CLPB: variants seen among roughly 807,000 people sequenced by gnomAD.
CLPB encodes the protein mitochondrial disaggregase.
CLPB carries 40 observed loss-of-function variants against 78.4 expected under a neutral mutation model. The observed-to-expected ratio is 0.51, with a 90% CI of 0.40 to 0.66. The LOEUF is 0.66. Ranked by LOEUF, CLPB falls within the 30% of genes least tolerant of loss-of-function variation. The pLI, the probability that CLPB is intolerant of heterozygous loss-of-function variation, is 0.00. For synonymous variants in CLPB, 333 were observed against 348.0 expected (o/e 0.96, Z 0.48); for missense variants, 780 against 886.9 (o/e 0.88, Z 1.53).
chr11:72,406,360 T>G (rs1855709704), intron 2 of CLPB, among the ~76,000 whole-genome samples: 1 of 152,128 alleles, frequency 6.6e-6, no homozygotes, highest in African/African-American at 2.4e-5. Flanking sequence ...AAATGCCTCC[T>G]CCTACTGCCC....
chr11:72,407,238 C>T (rs747874864), intron 2 of CLPB, among the ~76,000 whole-genome samples: 2 of 152,152 alleles, frequency 1.3e-5, no homozygotes, highest in Non-Finnish European at 2.9e-5. Context: ...TAAATAGTGC[C>T]AAGGTCCTCT....
In CLPB at chr11:72,385,783, A is replaced by T. The variant is rs376487039; in HGVS notation, c.543-5399T>A. ...GGATGCAGTGAGCCGAGATCGCGCC[A>T]CTGCATCAAGCCTGGGCGACACAGC... is the stretch of plus-strand genomic sequence containing the variant. On this transcript the variant is annotated intron_variant, in intron 3 of 15. Transcript: ENST00000538039. Among the ~76,000 whole-genome samples, 6 of 152,234 alleles carry T rather than the reference A, an allele frequency of 3.9e-5. No individual in the cohort carries two copies. The East Asian group carries it at 7.7e-4, about 20-fold the overall frequency.
At chr11:72,380,429 C>T (rs1350656549) in intron 3 of CLPB, 45 bp from the exon 4 acceptor site, 8 of 1,496,132 alleles carry the variant, frequency 5.3e-6, no homozygotes, top group African/African-American at 4.1e-5. Flanking sequence ...CAAGAAAGGC[C>T]CAGGAGGTAC....
chr11:72,359,202 T>C (rs1390686554), intron 4 of CLPB, 194 bp from the exon 5 acceptor site: 1 of 738,550 alleles, frequency 1.4e-6, no homozygotes, highest in Admixed American at 2.0e-5. Flanking sequence ...TTCCACAATG[T>C]TTACTGACAT....
In CLPB at chr11:72,288,594, A is replaced by G. The variant is rs1949416483; in HGVS notation, c.*4773T>C. 6.6e-6 allele frequency: 1 copy of G among 152,256 alleles called. No homozygotes were observed. The highest frequency in any genetic ancestry group is 1.5e-5 in the Non-Finnish European group (1 of 68,068). 9.4% of individuals were successfully genotyped at this position (152,256 alleles called of 1,614,324 possible). A position where few individuals can be genotyped will look rare whatever the true frequency, so the allele number is the denominator to read the frequency against. ...TGGGACAAATAAAAATATGCTGAGC[A>G]AACAAACAATACTTTTCTGTTCCAG... On this transcript the variant is annotated 3_prime_UTR_variant, in exon 16 of 16. Coordinates refer to ENST00000538039, the MANE Select transcript of CLPB (RefSeq NM_001258392.3).
chr11:72,434,475 C>T lies in CLPB; in HGVS notation c.-1G>A, dbSNP rs1400828937. On this transcript the variant is annotated 5_prime_UTR_variant, in exon 1 of 16. Coordinates refer to ENST00000538039, the MANE Select transcript of CLPB (RefSeq NM_001258392.3). ...TCCTCAACACCAGGGACCCCAGCAT[C>T]TTGACAGCTGCTTCGATAACCCCGT... 1.3e-6 allele frequency: 2 copies of T among 1,533,208 alleles called. No homozygotes were observed. The highest frequency in any genetic ancestry group is 1.4e-5 in the African/African-American group (1 of 72,342). 95.0% of individuals were successfully genotyped at this position (1,533,208 alleles called of 1,614,324 possible).
Position 72,434,107 on chromosome 11 carries a change from A to G in CLPB, c.368T>C (p.Val123Ala). Residue 123 changes from valine (V) to alanine (A), a missense_variant, in exon 1 of 16, where the codon GTG (valine) becomes GCG (alanine). Physicochemically the swap from Val to Ala is moderately conservative, Grantham distance 64. This residue lies in a region of CLPB where 417 missense variants were observed against 414.7 expected (regional missense o/e 1.01). Transcript: ENST00000538039. ...CGGACTCTTGCTGTAGCAATGAACC[A>G]CCAGCGCTGCGGCCAGGGCGCACAT... The part of the protein sequence containing the change: ...LGMCALAAAL[V>A]VHCYSKSPSN... The G allele has an allele frequency of 6.2e-7, 1 of 1,611,784 alleles. No homozygotes were observed. The highest frequency in any genetic ancestry group is 8.5e-7 in the Non-Finnish European group (1 of 1,179,988).
chr11:72,329,729 A>G lies in CLPB; in HGVS notation c.851T>C (p.Leu284Pro). ...TACCTTGGCTTCAGAAGTCCTCAGA[A>G]GCTTCATCACTTCCCCTTCTCGGGC... ...DYAREGEVMK[L>P]LRTSEAKYQE... is the part of the protein sequence containing the mutation. The change falls in exon 6 of 16, where the codon CTT becomes CCT. Residue 284 changes from leucine (L) to proline (P), a missense_variant. This residue lies in a region of CLPB where 417 missense variants were observed against 414.7 expected (regional missense o/e 1.01). Transcript: ENST00000538039. 2 of 1,613,952 alleles carry G rather than the reference A, an allele frequency of 1.2e-6. No individual in the cohort carries two copies. The highest frequency in any genetic ancestry group is 1.7e-6 in the Non-Finnish European group (2 of 1,179,888).
At chr11:72,408,015 G>A in intron 2 of CLPB, 2 of 900,980 alleles carry the variant, frequency 2.2e-6, no homozygotes, top group Admixed American at 2.0e-5. Flanking sequence ...CTCTTCATAG[G>A]TCCAATGAGG....
Position 72,293,486 on chromosome 11 carries a change from G to A in CLPB, c.1915C>T (p.Pro639Ser). Residue 639 changes from proline to serine, a missense_variant, in exon 16 of 16, where the codon CCC becomes TCC. This residue lies in a region of CLPB where 272 missense variants were observed against 304.0 expected (regional missense o/e 0.89). Transcript: ENST00000538039. The stretch of plus-strand genomic sequence containing the variant: ...TTGGGGAGGCGCTTCTCAGCCTGGG[G>A]TGAGGGCAGTTCTGGGCTTTTGAGT... ...QLLKSPELPS[P>S]QAEKRLPKLR... The A allele has an allele frequency of 6.2e-7, 1 of 1,614,192 alleles. No homozygotes were observed. Among genetic ancestry groups the A allele is most frequent in the Non-Finnish European group, 8.5e-7 (1 of 1,180,024 alleles).
intron 4 of CLPB, among the ~76,000 whole-genome samples, chr11:72,367,360 C>T (rs1264692613): frequency 2.0e-5 from 3 of 152,154 alleles, no homozygotes; most frequent in African/African-American, 4.8e-5. Flanking sequence ...GTTGGGGTTT[C>T]GCCATGTTGG....
At chr11:72,431,895 A>G (rs1047529959) in intron 1 of CLPB, among the ~76,000 whole-genome samples, 16 of 152,164 alleles carry the variant, frequency 1.1e-4, no homozygotes, top group African/African-American at 3.1e-4. Flanking sequence ...ACCATTATCT[A>G]TTTTGGTAAA....
At chr11:72,356,482 G>A (rs1950717963) in intron 5 of CLPB, among the ~76,000 whole-genome samples, 1 of 150,454 alleles carries the variant, frequency 6.6e-6, no homozygotes, top group Non-Finnish European at 1.5e-5. Context: ...CAAGGGGGAA[G>A]GGAGGTCAGA....
intron 4 of CLPB, among the ~76,000 whole-genome samples, chr11:72,363,140 A>G (rs1329150813): frequency 6.6e-6 from 1 of 150,462 alleles, no homozygotes; most frequent in Admixed American, 6.6e-5. Context: ...TGGGTGACAG[A>G]GCCAGACCCT....
chr11:72,310,659 A>C (rs2031487969), intron 7 of CLPB, among the ~76,000 whole-genome samples: 1 of 152,186 alleles, frequency 6.6e-6, no homozygotes, highest in African/African-American at 2.4e-5. Context: ...TGTTCTTCTA[A>C]AAGTTGGCTA....
At chr11:72,393,688 A>G (rs1855319023) in intron 3 of CLPB, among the ~76,000 whole-genome samples, 2 of 151,428 alleles carry the variant, frequency 1.3e-5, no homozygotes, top group Non-Finnish European at 3.0e-5. Context: ...TGCTGAATCA[A>G]TTCACTTCTG....
At chr11:72,413,406 G>GT (rs1403923168) in intron 2 of CLPB, among the ~76,000 whole-genome samples, 2 of 151,198 alleles carry the variant, frequency 1.3e-5, no homozygotes, top group African/African-American at 4.9e-5. Context: ...GCTGGACCAT[G>GT]TGAGAACTAA....
At chr11:72,428,700 G>C (rs1379943852) in intron 2 of CLPB, 1 of 152,252 alleles carries the variant, frequency 6.6e-6, no homozygotes. Flanking sequence ...AGAGGAGGCA[G>C]GAGAAAAGCA....
chr11:72,393,096 G>A (rs548274160), intron 3 of CLPB, among the ~76,000 whole-genome samples: 1 of 152,336 alleles, frequency 6.6e-6, no homozygotes, highest in Admixed American at 6.5e-5. Flanking sequence ...GGCACGTTAA[G>A]CTGATGGCCA....
Sources: allele counts gnomAD v4.1 joint callset (sites outside exome capture counted in the v4.1 genomes callset), GRCh38; gene constraint gnomAD v4.1.1; regional missense constraint gnomAD v4.1.1; transcripts MANE v1.5; gene names NCBI Gene and HGNC (gene_info 2026-07-23, HGNC 2026-07-21).